Variants in TPP1 observed in about 807,000 individuals in gnomAD.
The protein encoded by TPP1 is tripeptidyl peptidase 1.
TPP1 carries 43 observed loss-of-function variants against 67.6 expected under a neutral mutation model. That is an observed-to-expected ratio of 0.64 (90% CI 0.50 to 0.82). The LOEUF (loss-of-function observed/expected upper bound fraction) is 0.82, where lower values mean the gene tolerates loss of function less well. Ranked by LOEUF, TPP1 falls within the 40% of genes least tolerant of loss-of-function variation. The pLI, the probability that TPP1 is intolerant of heterozygous loss-of-function variation, is 0.00. For synonymous variants in TPP1, 272 were observed against 281.5 expected (o/e 0.97, Z 0.34); for missense variants, 671 against 710.9 (o/e 0.94, Z 0.64).
At position 6,616,714 on chromosome 11, in the gene TPP1, T is replaced by G. The variant is rs796053439; in HGVS notation, c.833A>C (p.Gln278Pro). ...GTTGGCACCAGCACTCATCAGGTAC[T>G]GCACATCTAGACTGGCCTCAATCCC... ...RAGIEASLDV[Q>P]YLMSAGANIS... is the part of the protein sequence containing the mutation. Residue 278 changes from glutamine to proline, a missense_variant, in exon 7 of 13, where the codon CAG becomes CCG. Physicochemically the swap from Gln to Pro is moderately conservative, Grantham distance 76. Coordinates refer to ENST00000299427, the MANE Select transcript of TPP1 (RefSeq NM_000391.4). 1 of 1,614,090 alleles carries G rather than the reference T, an allele frequency of 6.2e-7. No individual in the cohort carries two copies. Among genetic ancestry groups the G allele is most frequent in the Non-Finnish European group, 8.5e-7 (1 of 1,179,992 alleles).
In TPP1 at chr11:6,616,792, G is replaced by A. The variant is rs767839250; in HGVS notation, c.755C>T (p.Ala252Val). ...QFMRLFGGNF[A>V]HQASVARVVG... is the part of the protein sequence containing the mutation. ...CACACGGGCTACTGATGCCTGATGTGCAAAGTTGCCACCGAAGAGGCGCAT... is the reference window on the plus strand; with the variant it reads ...CACACGGGCTACTGATGCCTGATGTACAAAGTTGCCACCGAAGAGGCGCAT... Residue 252 changes from alanine to valine, a missense_variant, in exon 7 of 13, where the codon GCA becomes GTA. Ala to Val is a moderately conservative substitution (Grantham distance 64). Coordinates refer to ENST00000299427, the MANE Select transcript of TPP1 (RefSeq NM_000391.4). 2 of 1,613,912 alleles carry A rather than the reference G, an allele frequency of 1.2e-6. No homozygotes were observed. Among genetic ancestry groups the A allele is most frequent in the East Asian group, 2.2e-5 (1 of 44,880 alleles).
Position 6,615,147 on chromosome 11 carries a change from G to A in TPP1, c.1425+24C>T, listed in dbSNP as rs752965277. The A allele has an allele frequency of 6.8e-6, 11 of 1,614,082 alleles. No individual in the cohort carries two copies. In the Admixed American group the frequency reaches 1.2e-4, roughly 17 times the overall value. On this transcript the variant is annotated intron_variant, in intron 11 of 12. Coordinates refer to ENST00000299427, the MANE Select transcript of TPP1 (RefSeq NM_000391.4). ...GGGTAAGGGTAGTTCCTGAGTGAGA[G>A]TTTGGAGATGGGCTGATTCTCACCG... is the stretch of plus-strand genomic sequence containing the variant.
chr11:6,618,472 G>T (rs1373020533), intron 3 of TPP1: 6 of 576,800 alleles, frequency 1.0e-5, no homozygotes, highest in Non-Finnish European at 1.9e-5. Context: ...TAATCCAAAG[G>T]CTCTTTGGGA....
At position 6,616,001 on chromosome 11, in the gene TPP1, T is replaced by C. The variant is rs776135558; in HGVS notation, c.1145+4A>G. 1.2e-6 allele frequency: 2 copies of C among 1,614,120 alleles called. No individual in the cohort carries two copies. The highest frequency in any genetic ancestry group is 2.2e-5 in the South Asian group (2 of 91,082). Reference sequence around the variant, plus strand: ...ATACCTGAGTGGTAGGCTAGAGTACTTACCTGGAGGCAGGGAAGGTAGGGC... The same window carrying C: ...ATACCTGAGTGGTAGGCTAGAGTACCTACCTGGAGGCAGGGAAGGTAGGGC... On this transcript the variant is annotated splice_donor_region_variant and intron_variant, in intron 9 of 12. Coordinates refer to ENST00000299427, the MANE Select transcript of TPP1 (RefSeq NM_000391.4).
In TPP1 at chr11:6,619,214, T is replaced by A; in HGVS notation, c.71A>T (p.Glu24Val). 1 of 1,614,100 alleles carries A rather than the reference T, an allele frequency of 6.2e-7. No individual in the cohort carries two copies. The highest frequency in any genetic ancestry group is 8.5e-7 in the Non-Finnish European group (1 of 1,179,996). ...ILSGKCSYSP[E>V]PDQRRTLPPG... ...AACTCACGTCCTCCGCTGGTCGGGCTCCGGGCTGTAACTGCATTTGCCAGA... is the reference window on the plus strand; with the variant it reads ...AACTCACGTCCTCCGCTGGTCGGGCACCGGGCTGTAACTGCATTTGCCAGA... The change falls in exon 2 of 13, where the codon GAG becomes GTG. Residue 24 changes from glutamate (E) to valine (V), a missense_variant. By Grantham distance (121) the Glu-to-Val change is moderately radical. Transcript: ENST00000299427.
At position 6,618,855 on chromosome 11, in the gene TPP1, G is replaced by A. The variant is rs2134598044; in HGVS notation, c.150C>T (p.Thr50=). Reference sequence around the variant, plus strand: ...CCACATTCTGCTGTCTCAGGGCAAAGGTGAGACTCAGCTCTTCCTCAGGGT... The same window carrying A: ...CCACATTCTGCTGTCTCAGGGCAAAAGTGAGACTCAGCTCTTCCTCAGGGT... ...RADPEEELSL[T]FALRQQNVER... Residue 50 remains threonine (T), a synonymous_variant, in exon 3 of 13, where the codon ACC becomes ACT. Transcript: ENST00000299427. 1.2e-6 allele frequency: 2 copies of A among 1,614,116 alleles called. No homozygotes were observed. Among genetic ancestry groups the A allele is most frequent in the Non-Finnish European group, 1.7e-6 (2 of 1,180,052 alleles).
chr11:6,615,611 C>G (rs1855569066), intron 9 of TPP1, 49 bp from the exon 10 acceptor site: 2 of 1,612,554 alleles, frequency 1.2e-6, no homozygotes, highest in Admixed American at 1.7e-5. Context: ...AAGGGGACCT[C>G]CAAGATATGT....
chr11:6,614,375 A>G lies in TPP1; in HGVS notation c.*171T>C, dbSNP rs953806091. On this transcript the variant is annotated 3_prime_UTR_variant, in exon 13 of 13. Transcript: ENST00000299427. ...TAGGGAGACCTGAGTATGATGGAGCATGGTAGGGTTGGGAGTCAAGTCAAG... is the reference window on the plus strand; with the variant it reads ...TAGGGAGACCTGAGTATGATGGAGCGTGGTAGGGTTGGGAGTCAAGTCAAG... 6 of 827,670 alleles carry G rather than the reference A, an allele frequency of 7.2e-6. No individual in the cohort carries two copies. The highest frequency in any genetic ancestry group is 1.7e-5 in the African/African-American group (1 of 59,520). 51.3% of individuals were successfully genotyped at this position (827,670 alleles called of 1,614,324 possible). A position where few individuals can be genotyped will look rare whatever the true frequency, so the allele number is the denominator to read the frequency against.
intron 3 of TPP1, chr11:6,618,421 A>C: frequency 2.0e-6 from 1 of 503,310 alleles, no homozygotes; most frequent in Non-Finnish European, 3.6e-6. Context: ...GTGGGAATAA[A>C]TAACGGAGTT....
In TPP1 at chr11:6,617,609, C is replaced by T. The variant is rs752015922; in HGVS notation, c.380+17G>A. 5 of 1,614,116 alleles carry T rather than the reference C, an allele frequency of 3.1e-6. No individual in the cohort carries two copies. The highest frequency in any genetic ancestry group is 4.2e-6 in the Non-Finnish European group (5 of 1,180,032). ...GGGATGACTGGTGCCCTCCATGGAG[C>T]AATCATTTCCTCTCACCGGATGCTC... On this transcript the variant is annotated intron_variant, in intron 4 of 12. Coordinates refer to ENST00000299427, the MANE Select transcript of TPP1 (RefSeq NM_000391.4).
At position 6,614,476 on chromosome 11, in the gene TPP1, A is replaced by G. The variant is rs1280309719; in HGVS notation, c.*70T>C. The G allele has an allele frequency of 6.2e-7, 1 of 1,605,530 alleles. No homozygotes were observed. Among genetic ancestry groups the G allele is most frequent in the African/African-American group, 1.3e-5 (1 of 74,756 alleles). On this transcript the variant is annotated 3_prime_UTR_variant, in exon 13 of 13. Transcript: ENST00000299427. Reference sequence around the variant, plus strand: ...TTGAGGGTTCAGCAGGGCTTCCAACAGGGCAGAATAAGGGACTGAACTGCC... The same window carrying G: ...TTGAGGGTTCAGCAGGGCTTCCAACGGGGCAGAATAAGGGACTGAACTGCC...
At chr11:6,616,109 G>C (rs1855577377) in intron 8 of TPP1, 35 bp from the exon 9 acceptor site, 1 of 1,613,152 alleles carries the variant, frequency 6.2e-7, no homozygotes, top group African/African-American at 1.3e-5. Flanking sequence ...CATATTAATT[G>C]GTTAGGGCTT....
rs1024335051 is a variant in TPP1, at chr11:6,613,811, G to A, written c.*735C>T. 1.2e-4 allele frequency: 19 copies of A among 152,674 alleles called. No homozygotes were observed. The highest frequency in any genetic ancestry group is 4.1e-4 in the African/African-American group (17 of 41,416). 9.5% of individuals were successfully genotyped at this position (152,674 alleles called of 1,614,324 possible). On this transcript the variant is annotated 3_prime_UTR_variant, in exon 13 of 13. Coordinates refer to ENST00000299427, the MANE Select transcript of TPP1 (RefSeq NM_000391.4). ...AACGAGATGGAATTGTTTGGGGTTG[G>A]GAAGGTGGACGATGAAATGTTGAGT...
chr11:6,615,024 G>T (rs1273597868), intron 11 of TPP1, 33 bp from the exon 12 acceptor site: 21 of 1,613,972 alleles, frequency 1.3e-5, no homozygotes, highest in Non-Finnish European at 1.6e-5. Context: ...AGAGGTCAGG[G>T]GTTCTGAGTG....
At position 6,619,402 on chromosome 11, in the gene TPP1, C is replaced by T. The variant is rs772707851; in HGVS notation, c.-2G>A. ...TTCTCACCAGGCTTGGAGTCCCATTCTGCCCTTCCGCGGATCTGCTGTCAT... is the reference window on the plus strand; with the variant it reads ...TTCTCACCAGGCTTGGAGTCCCATTTTGCCCTTCCGCGGATCTGCTGTCAT... On this transcript the variant is annotated 5_prime_UTR_variant, in exon 1 of 13. Transcript: ENST00000299427. 6.2e-7 allele frequency: 1 copy of T among 1,614,236 alleles called. No individual in the cohort carries two copies. The highest frequency in any genetic ancestry group is 1.1e-5 in the South Asian group (1 of 91,088).
chr11:6,618,928 G>C lies in TPP1; in HGVS notation c.90-13C>G. ...GCCTGGGGGCAGCCTGTAGGGTCAGGGGTCAGGGACATGGCTTTGGTTAGG... is the reference window on the plus strand; with the variant it reads ...GCCTGGGGGCAGCCTGTAGGGTCAGCGGTCAGGGACATGGCTTTGGTTAGG... On this transcript the variant is annotated splice_polypyrimidine_tract_variant and intron_variant, in intron 2 of 12. Transcript: ENST00000299427. 1 of 1,612,190 alleles carries C rather than the reference G, an allele frequency of 6.2e-7. No individual in the cohort carries two copies.
chr11:6,616,721 C>G lies in TPP1; in HGVS notation c.826G>C (p.Asp276His), dbSNP rs1855591350. 1 of 1,613,990 alleles carries G rather than the reference C, an allele frequency of 6.2e-7. No individual in the cohort carries two copies. The highest frequency in any genetic ancestry group is 8.5e-7 in the Non-Finnish European group (1 of 1,180,024). ...CCAGCACTCATCAGGTACTGCACATCTAGACTGGCCTCAATCCCGGCCCGG... is the reference window on the plus strand; with the variant it reads ...CCAGCACTCATCAGGTACTGCACATGTAGACTGGCCTCAATCCCGGCCCGG... ...RGRAGIEASL[D>H]VQYLMSAGAN... The change falls in exon 7 of 13, where the codon GAT becomes CAT. Residue 276 changes from aspartate (D) to histidine (H), a missense_variant. Transcript: ENST00000299427.
chr11:6,616,966 T>C lies in TPP1; in HGVS notation c.687+9A>G, dbSNP rs868837063. On this transcript the variant is annotated intron_variant, in intron 6 of 12. Transcript: ENST00000299427. Reference sequence around the variant, plus strand: ...CTATGAGGACCCTGGGGCTCTTTGCTTGGCTCACCTGGGCACAGGCTTGGC... The same window carrying C: ...CTATGAGGACCCTGGGGCTCTTTGCCTGGCTCACCTGGGCACAGGCTTGGC... 1.9e-6 allele frequency: 3 copies of C among 1,614,140 alleles called. No individual in the cohort carries two copies. The highest frequency in any genetic ancestry group is 1.6e-4 in the Middle Eastern group (1 of 6,062).
intron 3 of TPP1, 90 bp downstream of exon 3, chr11:6,618,686 C>T: frequency 6.4e-7 from 1 of 1,568,028 alleles, no homozygotes; most frequent in Non-Finnish European, 8.7e-7. Context: ...AGTGTCTTGG[C>T]AGGCTCTGAC....
Sources: gnomAD v4.1 joint callset for allele counts on GRCh38, gnomAD v4.1.1 for gene constraint, MANE v1.5 for transcripts, NCBI Gene and HGNC (gene_info 2026-07-23, HGNC 2026-07-21) for gene names.